The following FAM53B variants were observed in gnomAD, a reference collection of about 807,000 sequenced individuals.
FAM53B encodes protein FAM53B.
FAM53B carries 12 observed loss-of-function variants against 32.7 expected under a neutral mutation model. The observed-to-expected ratio is 0.37, with a 90% confidence interval of 0.24 to 0.59. The LOEUF is 0.59. Ranked by LOEUF, FAM53B falls within the 20% of genes least tolerant of loss-of-function variation. FAM53B has a pLI of 0.72. For missense variants in FAM53B, 477 were observed against 577.7 expected (o/e 0.83, Z 1.79); for synonymous variants, 234 against 228.7 (o/e 1.02, Z -0.21).
At chr10:124,701,224 A>G (rs1209240999) in intron 2 of FAM53B, among the ~76,000 whole-genome samples, 2 of 152,190 alleles carry the variant, frequency 1.3e-5, no homozygotes, top group Non-Finnish European at 2.9e-5. Flanking sequence ...GCATGGCCCG[A>G]AGTATGAAGA....
intron 2 of FAM53B, among the ~76,000 whole-genome samples, chr10:124,706,141 G>A (rs1949956111): frequency 6.6e-6 from 1 of 152,160 alleles, no homozygotes; most frequent in Non-Finnish European, 1.5e-5. Flanking sequence ...AGTGGTCCAG[G>A]GTGGTCCAGG....
intron 1 of FAM53B, chr10:124,713,689 A>G (rs1950020208): frequency 6.6e-6 from 1 of 152,272 alleles, no homozygotes; most frequent in African/African-American, 2.4e-5. Context: ...AAGAAACTGG[A>G]AATCAGCAAG....
chr10:124,715,429 T>C (rs1950033364), intron 1 of FAM53B, among the ~76,000 whole-genome samples: 1 of 152,196 alleles, frequency 6.6e-6, no homozygotes, highest in Admixed American at 6.5e-5. Flanking sequence ...TCACAATGGC[T>C]TCTTGCAACC....
chr10:124,631,390 G>A (rs573077641), intron 4 of FAM53B, among the ~76,000 whole-genome samples: 5 of 152,292 alleles, frequency 3.3e-5, no homozygotes, highest in African/African-American at 9.6e-5. Context: ...CTCTGAAGAC[G>A]GACCTAGGGC....
intron 1 of FAM53B, among the ~76,000 whole-genome samples, chr10:124,714,637 T>C (rs891461107): frequency 8.6e-5 from 13 of 151,384 alleles, no homozygotes; most frequent in African/African-American, 2.9e-4. Context: ...CGCACGCCTG[T>C]AGTCCCAGCT....
intron 4 of FAM53B, among the ~76,000 whole-genome samples, chr10:124,674,010 C>CT (rs1949722411): frequency 6.6e-6 from 1 of 152,218 alleles, no homozygotes; most frequent in Non-Finnish European, 1.5e-5. Context: ...GCTCTTCTGA[C>CT]TCCAACAGCA....
chr10:124,642,936 G>A lies in FAM53B; in HGVS notation c.907-19332C>T, dbSNP rs113819246. Among the ~76,000 whole-genome samples the A allele has an allele frequency of 5.9e-3, 903 of 152,288 alleles. 9 individuals carry two copies. The highest frequency in any genetic ancestry group is 0.021 in the African/African-American group (860 of 41,556). On this transcript the variant is annotated intron_variant, in intron 4 of 4. Coordinates refer to ENST00000337318, the MANE Select transcript of FAM53B (RefSeq NM_014661.4). ...TCATCTCTACCACTGTCTCCTCTAA[G>A]TAAGACCCCACAGTGTTTTCATGAA...
At chr10:124,653,774 C>T (rs960221907) in intron 4 of FAM53B, among the ~76,000 whole-genome samples, 5 of 152,330 alleles carry the variant, frequency 3.3e-5, no homozygotes, top group South Asian at 4.1e-4. Flanking sequence ...GATGCAAGAA[C>T]GCACTTTGGG....
intron 1 of FAM53B, chr10:124,713,445 T>C (rs1950018792): frequency 6.6e-6 from 1 of 152,254 alleles, no homozygotes; most frequent in Non-Finnish European, 1.5e-5. Flanking sequence ...CTTCAATGTG[T>C]CTTCATTTGT....
intron 2 of FAM53B, among the ~76,000 whole-genome samples, chr10:124,700,558 G>A (rs1949908524): frequency 1.3e-5 from 2 of 152,172 alleles, no homozygotes; most frequent in African/African-American, 2.4e-5. Flanking sequence ...TCGTCTCTGT[G>A]AGACTCCTCA....
At chr10:124,740,561 T>C (rs1378949651) in intron 1 of FAM53B, among the ~76,000 whole-genome samples, 1 of 152,042 alleles carries the variant, frequency 6.6e-6, no homozygotes, top group East Asian at 1.9e-4. Flanking sequence ...GTTAATGGGG[T>C]CAGCTATTAC....
chr10:124,724,965 T>C (rs962983672), intron 1 of FAM53B, among the ~76,000 whole-genome samples: 13 of 152,320 alleles, frequency 8.5e-5, no homozygotes, highest in African/African-American at 2.9e-4. Flanking sequence ...GGCAGAGTAC[T>C]GGGACAAGGA....
chr10:124,622,689 G>A lies in FAM53B; in HGVS notation c.*553C>T, dbSNP rs1453371999. 6.5e-6 allele frequency: 1 copy of A among 152,908 alleles called. No individual in the cohort carries two copies. The highest frequency in any genetic ancestry group is 2.4e-5 in the African/African-American group (1 of 41,474). 9.5% of individuals were successfully genotyped at this position (152,908 alleles called of 1,614,324 possible). A position where few individuals can be genotyped will look rare whatever the true frequency, so the allele number is the denominator to read the frequency against. On this transcript the variant is annotated 3_prime_UTR_variant, in exon 5 of 5. Transcript: ENST00000337318. ...AAGGCCAAATGGTTCTGGTGTTACA[G>A]AAGGAAGCATCTCCCGAACCTTCCC...
In FAM53B at chr10:124,744,082, G is replaced by A. The variant is rs1402362871; in HGVS notation, c.-244C>T. On this transcript the variant is annotated 5_prime_UTR_variant, in exon 1 of 5. Coordinates refer to ENST00000337318, the MANE Select transcript of FAM53B (RefSeq NM_014661.4). ...GCCAGCGCTCGCCAAGTCGTCCGGG[G>A]TGCCCGCCGCGCGTCCGCCGCGCGC... is the stretch of plus-strand genomic sequence containing the variant. 1 of 147,210 alleles carries A rather than the reference G, an allele frequency of 6.8e-6. No individual in the cohort carries two copies. The highest frequency in any genetic ancestry group is 2.4e-5 in the African/African-American group (1 of 40,982). The allele number at this position is 147,210 out of a possible 1,614,324, so 9.1% of individuals were successfully genotyped here.
At chr10:124,640,723 G>C (rs1014805083) in intron 4 of FAM53B, among the ~76,000 whole-genome samples, 1 of 152,228 alleles carries the variant, frequency 6.6e-6, no homozygotes, top group Non-Finnish European at 1.5e-5. Context: ...ACTGTCATCA[G>C]AGGTTTGGTG....
intron 4 of FAM53B, among the ~76,000 whole-genome samples, chr10:124,646,153 C>G (rs567367627): frequency 6.6e-6 from 1 of 152,312 alleles, no homozygotes; most frequent in Non-Finnish European, 1.5e-5. Context: ...GAGCATCTAG[C>G]GGATGGAGTC....
intron 4 of FAM53B, among the ~76,000 whole-genome samples, chr10:124,625,289 T>C (rs1403144020): frequency 3.9e-5 from 6 of 152,206 alleles, no homozygotes; most frequent in Non-Finnish European, 8.8e-5. Context: ...GTTTGCTTTT[T>C]TTGGAATCTT....
intron 4 of FAM53B, among the ~76,000 whole-genome samples, chr10:124,630,815 C>T (rs1949386263): frequency 6.6e-6 from 1 of 152,174 alleles, no homozygotes. Context: ...CTGCAGAGGC[C>T]AACAAATGTG....
chr10:124,643,372 G>A (rs1014476048), intron 4 of FAM53B, among the ~76,000 whole-genome samples: 3 of 152,256 alleles, frequency 2.0e-5, no homozygotes, highest in Non-Finnish European at 4.4e-5. Flanking sequence ...CCCTATTCAC[G>A]ACGCGCAGGT....
Sources: gnomAD v4.1 joint callset for allele counts (sites outside exome capture counted in the v4.1 genomes callset) on GRCh38, gnomAD v4.1.1 for gene constraint, MANE v1.5 for transcripts, NCBI Gene and HGNC (gene_info 2026-07-23, HGNC 2026-07-21) for gene names.